The following EYS variants were observed in gnomAD, a reference collection of about 807,000 sequenced individuals.
The protein encoded by EYS is protein eyes shut homolog.
In EYS, 250 loss-of-function variants were observed where a neutral mutation model predicts 282.1. That is an observed-to-expected ratio of 0.89 (90% CI 0.80 to 0.98). The LOEUF is 0.98. EYS is among the 50% of genes least tolerant of loss of function. The pLI, the probability that EYS is intolerant of heterozygous loss-of-function variation, is 0.00. For missense variants in EYS, 4,016 were observed against 3,709.0 expected (o/e 1.08, Z -2.15); for synonymous variants, 1,355 against 1,282.9 (o/e 1.06, Z -1.20).
chr6:65,241,905 CGTGT>C (rs1270715861), intron 12 of EYS, among the ~76,000 whole-genome samples: 3 of 151,806 alleles, frequency 2.0e-5, no homozygotes, highest in Non-Finnish European at 2.9e-5. Context: ...TGTGTGCATG[CGTGT>C]GTGTATTTCA....
chr6:64,065,284 G>A (rs1771323880), intron 33 of EYS, among the ~76,000 whole-genome samples: 1 of 152,118 alleles, frequency 6.6e-6, no homozygotes, highest in South Asian at 2.1e-4. Flanking sequence ...GATTCCTGCT[G>A]ATCAGACTAA....
chr6:63,937,715 T>C (rs1486700292), intron 35 of EYS, among the ~76,000 whole-genome samples: 2 of 152,016 alleles, frequency 1.3e-5, no homozygotes, highest in African/African-American at 4.8e-5. Flanking sequence ...CATAGTACAA[T>C]TCCCAGACTT....
intron 35 of EYS, among the ~76,000 whole-genome samples, chr6:63,973,534 T>C (rs1259304181): frequency 6.6e-6 from 1 of 152,154 alleles, no homozygotes; most frequent in East Asian, 1.9e-4. Context: ...TTTGAACCAA[T>C]ATCTTAATTC....
intron 11 of EYS, among the ~76,000 whole-genome samples, chr6:65,324,121 C>G (rs563781188): frequency 2.6e-4 from 39 of 151,480 alleles, no homozygotes; most frequent in African/African-American, 8.9e-4. Context: ...CCTTCAAACC[C>G]TTGCCTGGCT....
intron 1 of EYS, among the ~76,000 whole-genome samples, chr6:65,648,701 T>C (rs1238086414): frequency 8.5e-6 from 1 of 117,356 alleles, no homozygotes; most frequent in African/African-American, 2.5e-5. Flanking sequence ...CAAACACCTA[T>C]TGAAATAAAA....
intron 26 of EYS, among the ~76,000 whole-genome samples, chr6:64,455,820 T>TA (rs1775541151): frequency 6.6e-6 from 1 of 152,098 alleles, no homozygotes; most frequent in African/African-American, 2.4e-5. Context: ...TTTAACTCAT[T>TA]AAAAAACTTT....
chr6:65,333,996 A>G (rs560896369), intron 11 of EYS, among the ~76,000 whole-genome samples: 2 of 151,716 alleles, frequency 1.3e-5, no homozygotes, highest in South Asian at 2.1e-4. Flanking sequence ...ATATATACAC[A>G]CACGTATACA....
At chr6:63,856,621 T>C (rs941834477) in intron 36 of EYS, among the ~76,000 whole-genome samples, 18 of 152,176 alleles carry the variant, frequency 1.2e-4, no homozygotes, top group African/African-American at 4.1e-4. Context: ...TTAGTGTAAG[T>C]AGAAACTGCC....
chr6:65,337,269 C>T (rs1056546834), intron 10 of EYS, among the ~76,000 whole-genome samples: 3 of 151,432 alleles, frequency 2.0e-5, no homozygotes, highest in Non-Finnish European at 4.4e-5. Flanking sequence ...TTTACACTTG[C>T]CCCAAGTCTA....
chr6:64,790,740 T>C (rs9345514), intron 22 of EYS, among the ~76,000 whole-genome samples: 72,046 of 151,678 alleles, frequency 0.47, 19,276 homozygotes, highest in Admixed American at 0.63. Context: ...CTATGTAAGG[T>C]TTAACTTACA....
Position 64,524,980 on chromosome 6 carries a change from C to T in EYS, c.5644+65243G>A, listed in dbSNP as rs1397288510. Among the ~76,000 whole-genome samples the T allele has an allele frequency of 3.9e-5, 6 of 151,936 alleles. No individual in the cohort carries two copies. The South Asian group carries it at 1.0e-3, about 26-fold the overall frequency. ...GCATATCAAAACCACTATGAGATAT[C>T]GTCTCACAGCAGTCAGAATGCTATT... On this transcript the variant is annotated intron_variant, in intron 26 of 42. Coordinates refer to ENST00000503581, the MANE Select transcript of EYS (RefSeq NM_001142800.2).
At chr6:64,268,624 G>T (rs1767841580) in intron 30 of EYS, among the ~76,000 whole-genome samples, 1 of 152,098 alleles carries the variant, frequency 6.6e-6, no homozygotes, top group African/African-American at 2.4e-5. Flanking sequence ...AGATGAATAT[G>T]CTGGAAGTAT....
intron 8 of EYS, among the ~76,000 whole-genome samples, chr6:65,364,397 C>G (rs189682961): frequency 1.2e-3 from 181 of 150,850 alleles, no homozygotes; most frequent in African/African-American, 4.2e-3. Context: ...TACAGAAATA[C>G]AAAATGAATA....
intron 2 of EYS, among the ~76,000 whole-genome samples, chr6:65,544,131 T>G (rs1411211486): frequency 6.6e-6 from 1 of 152,080 alleles, no homozygotes; most frequent in African/African-American, 2.4e-5. Flanking sequence ...TCCATTTAAC[T>G]CTTTCATGAC....
intron 29 of EYS, among the ~76,000 whole-genome samples, chr6:64,322,155 A>G (rs1472957289): frequency 2.6e-5 from 4 of 152,052 alleles, no homozygotes; most frequent in African/African-American, 9.7e-5. Context: ...ATTGACAAAG[A>G]AAGTCTAGCT....
intron 35 of EYS, among the ~76,000 whole-genome samples, chr6:63,937,905 A>G (rs1765121187): frequency 6.6e-6 from 1 of 152,232 alleles, no homozygotes; most frequent in Admixed American, 6.5e-5. Context: ...AGTACAGACT[A>G]AGACACCACT....
At chr6:65,537,777 C>T (rs1411638044) in intron 2 of EYS, among the ~76,000 whole-genome samples, 1 of 152,114 alleles carries the variant, frequency 6.6e-6, no homozygotes, top group Non-Finnish European at 1.5e-5. Flanking sequence ...TCGGATGAGC[C>T]ATTAGCATGG....
At chr6:63,889,839 G>A (rs1581939253) in intron 35 of EYS, among the ~76,000 whole-genome samples, 1 of 152,092 alleles carries the variant, frequency 6.6e-6, no homozygotes, top group South Asian at 2.1e-4. Context: ...ATTGGATTAA[G>A]AGTCAAGACT....
In EYS at chr6:65,353,579, C is replaced by T; in HGVS notation, c.1338G>A (p.Trp446Ter). ...CIPGCTKNPC[W>*]FLKNVYLIHQ... ...GAATTAGGTAAACATTCTTCAAAAA[C>T]CAACATGGATTTTTTGTGCACCCTG... Residue 446 changes from tryptophan to a stop codon, truncating the protein, a stop_gained, in exon 9 of 43, where the codon TGG becomes TGA. Transcript: ENST00000503581. LOFTEE classifies it high-confidence loss of function. 1.2e-6 allele frequency: 2 copies of T among 1,613,066 alleles called. No individual in the cohort carries two copies. The highest frequency in any genetic ancestry group is 8.5e-7 in the Non-Finnish European group (1 of 1,179,394).
Sources: allele counts gnomAD v4.1 joint callset (sites outside exome capture counted in the v4.1 genomes callset), GRCh38; gene constraint gnomAD v4.1.1; transcripts MANE v1.5; gene names NCBI Gene and HGNC (gene_info 2026-07-23, HGNC 2026-07-21).